The following ABCA9 variants were observed in gnomAD, a reference collection of about 807,000 sequenced individuals.
The protein encoded by ABCA9 is ATP-binding cassette sub-family A member 9.
ABCA9 carries 183 observed loss-of-function variants against 205.3 expected under a neutral mutation model. That is an observed-to-expected ratio of 0.89 (90% CI 0.79 to 1.01). The LOEUF is 1.01. Ranked by LOEUF, ABCA9 falls within the 50% of genes least tolerant of loss-of-function variation. The pLI is 0.00. For synonymous variants in ABCA9, 651 were observed against 683.3 expected (o/e 0.95, Z 0.74); for missense variants, 1,805 against 1,912.4 (o/e 0.94, Z 1.05).
chr17:68,984,163 C>A lies in ABCA9; in HGVS notation c.4392G>T (p.Arg1464=). Residue 1464 remains arginine (R), a synonymous_variant, in exon 35 of 39, where the codon CGG becomes CGT. Transcript: ENST00000340001. ...CCCTCTCCGTGTTTCTAAAGGTGGC[C>A]CGAATCACCTGCCTAAAGTTAAGTC... ...EGQQQMWQVI[R]ATFRNTERGA... The A allele has an allele frequency of 6.2e-7, 1 of 1,613,978 alleles. No individual in the cohort carries two copies. Among genetic ancestry groups the A allele is most frequent in the Non-Finnish European group, 8.5e-7 (1 of 1,179,954 alleles).
At chr17:69,000,257 T>C (rs920841056) in intron 25 of ABCA9, among the ~76,000 whole-genome samples, 24 of 152,004 alleles carry the variant, frequency 1.6e-4, no homozygotes, top group Admixed American at 1.2e-3. Context: ...TTTACGGTTT[T>C]AGGTCTAACG....
At chr17:69,048,906 T>C (rs1001094101) in intron 3 of ABCA9, among the ~76,000 whole-genome samples, 1 of 152,208 alleles carries the variant, frequency 6.6e-6, no homozygotes, top group Non-Finnish European at 1.5e-5. Context: ...ATGTCACCTC[T>C]TTTCATTGTA....
chr17:69,032,348 G>A (rs892812812), intron 9 of ABCA9, 72 bp from the exon 10 acceptor site: 5 of 1,423,238 alleles, frequency 3.5e-6, no homozygotes, highest in Non-Finnish European at 3.9e-6. Flanking sequence ...TATCAGTGCA[G>A]CCCCTTTGAC....
intron 1 of ABCA9, among the ~76,000 whole-genome samples, chr17:69,057,178 G>C (rs932339798): frequency 6.6e-6 from 1 of 152,200 alleles, no homozygotes; most frequent in Non-Finnish European, 1.5e-5. Context: ...ATAGGTGGGA[G>C]GTGGAGTTAG....
chr17:69,055,460 A>G (rs183293158), intron 1 of ABCA9, among the ~76,000 whole-genome samples: 1 of 152,316 alleles, frequency 6.6e-6, no homozygotes, highest in Admixed American at 6.5e-5. Flanking sequence ...TAAAGGGGTC[A>G]ATTTTCCAAG....
intron 9 of ABCA9, 182 bp from the exon 10 acceptor site, chr17:69,032,458 T>G (rs1047729724): frequency 4.0e-6 from 2 of 501,206 alleles, no homozygotes; most frequent in Non-Finnish European, 6.8e-6. Context: ...ATAACAGAGA[T>G]GGCTAATATG....
At chr17:69,048,275 C>G (rs149671215) in intron 3 of ABCA9, among the ~76,000 whole-genome samples, 1 of 152,166 alleles carries the variant, frequency 6.6e-6, no homozygotes, top group Non-Finnish European at 1.5e-5. Context: ...GAATATTCCA[C>G]TTATGCATCA....
chr17:69,078,210 G>GTTT, the ABCA9 span, among the ~76,000 whole-genome samples: 725 of 141,328 alleles, frequency 5.1e-3, 25 homozygotes, highest in South Asian at 0.052. Flanking sequence ...TGTTTTTGTT[G>GTTT]TTTTTTTTTT....
At chr17:68,979,044 T>A (rs1449512355) in intron 37 of ABCA9, among the ~76,000 whole-genome samples, 3 of 152,122 alleles carry the variant, frequency 2.0e-5, no homozygotes, top group Non-Finnish European at 4.4e-5. Flanking sequence ...AACCCCATCG[T>A]CTCAGCCCAA....
At chr17:69,012,529 CA>C (rs2070418655) in intron 22 of ABCA9, among the ~76,000 whole-genome samples, 1 of 151,290 alleles carries the variant, frequency 6.6e-6, no homozygotes, top group Non-Finnish European at 1.5e-5. Context: ...AAAAAAAAAT[CA>C]AAACCCTGTA....
intron 25 of ABCA9, among the ~76,000 whole-genome samples, chr17:69,005,680 G>T (rs1167729209): frequency 6.6e-6 from 1 of 152,168 alleles, no homozygotes; most frequent in Non-Finnish European, 1.5e-5. Flanking sequence ...CGAACAAAGA[G>T]GTTCTCTGTC....
intron 37 of ABCA9, among the ~76,000 whole-genome samples, chr17:68,981,312 T>C (rs936663601): frequency 3.3e-5 from 5 of 151,990 alleles, no homozygotes; most frequent in Middle Eastern, 3.4e-3. Flanking sequence ...AAATAAATGT[T>C]AAGTATGTGA....
At chr17:68,992,136 A>G (rs1482097186) in intron 28 of ABCA9, 39 bp downstream of exon 28, 3 of 1,404,272 alleles carry the variant, frequency 2.1e-6, no homozygotes, top group Admixed American at 2.1e-5. Flanking sequence ...AAGAATGAAT[A>G]TCAAAATGAA....
intron 9 of ABCA9, chr17:69,032,544 G>A (rs1156567390): frequency 3.5e-6 from 1 of 284,394 alleles, no homozygotes; most frequent in Non-Finnish European, 6.6e-6. Context: ...GATGTCTCAG[G>A]AGGAATTTAA....
intron 6 of ABCA9, among the ~76,000 whole-genome samples, chr17:69,038,027 G>A (rs965097919): frequency 6.6e-6 from 1 of 152,072 alleles, no homozygotes; most frequent in Admixed American, 6.6e-5. Context: ...GGAAGAAGTT[G>A]AATCCCTGAA....
intron 10 of ABCA9, among the ~76,000 whole-genome samples, chr17:69,031,163 A>G (rs1436270822): frequency 2.0e-5 from 3 of 152,144 alleles, no homozygotes; most frequent in East Asian, 1.9e-4. Flanking sequence ...CAAATCTTCA[A>G]TACCCTCCTC....
At chr17:69,007,422 A>T (rs1419680887) in intron 25 of ABCA9, among the ~76,000 whole-genome samples, 1 of 152,140 alleles carries the variant, frequency 6.6e-6, no homozygotes, top group Non-Finnish European at 1.5e-5. Flanking sequence ...GAAAAAAAGA[A>T]ATGATGAAGA....
intron 37 of ABCA9, among the ~76,000 whole-genome samples, chr17:68,982,093 A>T (rs1259555340): frequency 6.6e-6 from 1 of 152,218 alleles, no homozygotes; most frequent in Non-Finnish European, 1.5e-5. Context: ...ATCTGCATCT[A>T]TCAATAGATG....
intron 10 of ABCA9, among the ~76,000 whole-genome samples, chr17:69,030,165 G>A (rs1360793925): frequency 6.6e-6 from 1 of 152,164 alleles, no homozygotes; most frequent in Non-Finnish European, 1.5e-5. Context: ...GGTTGTATTC[G>A]CCTGCTTGGG....
Sources: allele counts gnomAD v4.1 joint callset (sites outside exome capture counted in the v4.1 genomes callset), GRCh38; gene constraint gnomAD v4.1.1; transcripts MANE v1.5; gene names NCBI Gene and HGNC (gene_info 2026-07-23, HGNC 2026-07-21).